The following ZNF253 variants were observed in gnomAD, a reference collection of about 807,000 sequenced individuals.
ZNF253 encodes the protein zinc finger protein 253, also known as DNA-binding protein.
ZNF253 carries 8 observed loss-of-function variants against 11.9 expected under a neutral mutation model. The observed-to-expected ratio is 0.67, with a 90% confidence interval of 0.40 to 1.22. The LOEUF is 1.22. Ranked by LOEUF, ZNF253 falls within the 50% of genes most tolerant of loss-of-function variation. The pLI, the probability that ZNF253 is intolerant of heterozygous loss-of-function variation, is 0.01. For synonymous variants in ZNF253, 194 were observed against 194.9 expected (o/e 1.00, Z 0.04); for missense variants, 485 against 586.9 (o/e 0.83, Z 1.79).
At chr19:19,889,060 C>T (rs1382246902) in intron 3 of ZNF253, among the ~76,000 whole-genome samples, 1 of 152,012 alleles carries the variant, frequency 6.6e-6, no homozygotes, top group Admixed American at 6.5e-5. Context: ...TTTTATCTTG[C>T]AGCACCCAAA....
intron 1 of ZNF253, among the ~76,000 whole-genome samples, chr19:19,867,948 T>C (rs2116888): frequency 0.4 from 60,261 of 151,430 alleles, 12,867 homozygotes; most frequent in East Asian, 0.7. Context: ...TAATGATTAG[T>C]GATGAGCTTT....
intron 1 of ZNF253, among the ~76,000 whole-genome samples, chr19:19,873,298 C>G (rs1003422383): frequency 6.7e-6 from 1 of 149,500 alleles, no homozygotes; most frequent in Non-Finnish European, 1.5e-5. Context: ...TTCTCTTACC[C>G]AAAGAGCTAG....
intron 3 of ZNF253, among the ~76,000 whole-genome samples, chr19:19,886,727 C>T (rs1270886356): frequency 6.6e-6 from 1 of 152,220 alleles, no homozygotes; most frequent in East Asian, 1.9e-4. Flanking sequence ...GATGCTGGCA[C>T]ACACTTCTTA....
At chr19:19,868,448 G>T in intron 1 of ZNF253, among the ~76,000 whole-genome samples, 1 of 152,162 alleles carries the variant, frequency 6.6e-6, no homozygotes, top group East Asian at 1.9e-4. Context: ...ATTAAATGGA[G>T]AATTCTTTCC....
In ZNF253 at chr19:19,872,579, A is replaced by ATAT. The variant is rs2063138467; in HGVS notation, c.4-5901_4-5900insATT. Among the ~76,000 whole-genome samples, 8 of 96,846 alleles carry ATAT rather than the reference A, an allele frequency of 8.3e-5. No individual in the cohort carries two copies. In the South Asian group the frequency reaches 2.0e-3, roughly 24 times the overall value. 63.5% of individuals were successfully genotyped at this position (96,846 alleles called of 152,430 possible). ...ACCATAACTATATATATATATATAT[A>ATAT]TTATTATATATATATATATATAATC... On this transcript the variant is annotated intron_variant, in intron 1 of 3. Transcript: ENST00000589717.
At chr19:19,876,123 G>A (rs542652646) in intron 1 of ZNF253, among the ~76,000 whole-genome samples, 6 of 152,330 alleles carry the variant, frequency 3.9e-5, no homozygotes, top group African/African-American at 1.4e-4. Flanking sequence ...AGTGCTGAGT[G>A]TAAGCGACCC....
intron 3 of ZNF253, among the ~76,000 whole-genome samples, chr19:19,882,888 T>A (rs1369193307): frequency 6.6e-6 from 1 of 151,910 alleles, no homozygotes; most frequent in Non-Finnish European, 1.5e-5. Flanking sequence ...GGAAAATTGC[T>A]TGAACCTGGG....
intron 1 of ZNF253, chr19:19,871,175 T>C (rs1487131290): frequency 6.6e-6 from 1 of 152,220 alleles, no homozygotes; most frequent in Non-Finnish European, 1.5e-5. Flanking sequence ...ATTTTTTCCT[T>C]GTCACCATTA....
At position 19,865,938 on chromosome 19, in the gene ZNF253, G is replaced by T; in HGVS notation, c.-59G>T. The T allele has an allele frequency of 6.2e-7, 1 of 1,612,462 alleles. No individual in the cohort carries two copies. Among genetic ancestry groups the T allele is most frequent in the Non-Finnish European group, 8.5e-7 (1 of 1,178,496 alleles). On this transcript the variant is annotated 5_prime_UTR_variant, in exon 1 of 4. Coordinates refer to ENST00000589717, the MANE Select transcript of ZNF253 (RefSeq NM_021047.3). The stretch of plus-strand genomic sequence containing the variant: ...ATAGAGGCCCGTCCTCTGTGGCCGT[G>T]TGACCTGCAAGTATTGGGAGAGCCA...
chr19:19,872,587 A>ATATATATATATATATATATATATATAT (rs1555777041), intron 1 of ZNF253, among the ~76,000 whole-genome samples: 1 of 130,728 alleles, frequency 7.6e-6, no homozygotes, highest in African/African-American at 3.6e-5. Flanking sequence ...ATATTATTAT[A>ATATATATATATATATATATATATATAT]TATATATATA....
chr19:19,874,869 G>A (rs1215376290), intron 1 of ZNF253, among the ~76,000 whole-genome samples: 1 of 152,034 alleles, frequency 6.6e-6, no homozygotes, highest in Non-Finnish European at 1.5e-5. Context: ...CCGAGATCGC[G>A]CCACTGCACT....
intron 1 of ZNF253, 83 bp downstream of exon 1, chr19:19,866,082 T>C: frequency 6.3e-7 from 1 of 1,577,000 alleles, no homozygotes; most frequent in African/African-American, 1.3e-5. Context: ...CTCTGCTTCC[T>C]CACAGTCAGC....
At chr19:19,883,639 A>C (rs2063187034) in intron 3 of ZNF253, among the ~76,000 whole-genome samples, 1 of 152,184 alleles carries the variant, frequency 6.6e-6, no homozygotes, top group African/African-American at 2.4e-5. Context: ...AGACTTCTAG[A>C]AACTTTACAT....
chr19:19,880,475 C>G (rs544073030), intron 3 of ZNF253, among the ~76,000 whole-genome samples: 125 of 152,070 alleles, frequency 8.2e-4, no homozygotes, highest in Non-Finnish European at 1.4e-3. Context: ...GAGGCCAAGG[C>G]AGGTGGATCA....
intron 3 of ZNF253, among the ~76,000 whole-genome samples, chr19:19,882,054 T>G (rs1259608687): frequency 6.6e-6 from 1 of 151,930 alleles, no homozygotes; most frequent in Non-Finnish European, 1.5e-5. Flanking sequence ...CCGGGTGTGG[T>G]GACATGCACC....
At position 19,892,676 on chromosome 19, in the gene ZNF253, C is replaced by T. The variant is rs199597253; in HGVS notation, c.1429C>T (p.Arg477Ter). The part of the protein sequence containing the change: ...LNKHKKIHIE[R>*]KPYIVKNVTD... ...TAAACATAAGAAAATTCATATTGAA[C>T]GAAAACCCTACATAGTGAAGAATGT... Residue 477 changes from arginine (R) to a stop codon, truncating the protein, a stop_gained, in exon 4 of 4, where the codon CGA becomes TGA. Coordinates refer to ENST00000589717, the MANE Select transcript of ZNF253 (RefSeq NM_021047.3). LOFTEE classifies it low-confidence loss of function (END_TRUNC). The T allele has an allele frequency of 5.7e-5, 92 of 1,612,220 alleles. No individual in the cohort carries two copies. The highest frequency in any genetic ancestry group is 1.5e-4 in the African/African-American group (11 of 74,730).
At position 19,892,297 on chromosome 19, in the gene ZNF253, C is replaced by T; in HGVS notation, c.1050C>T (p.His350=). Residue 350 remains histidine, a synonymous_variant, in exon 4 of 4, where the codon CAC becomes CAT. Transcript: ENST00000589717. The part of the protein sequence containing the change: ...YKCEECGKAF[H]LSSHLTTHKI... ...GTGAAGAATGTGGCAAAGCCTTTCA[C>T]CTATCCTCACACCTTACTACACATA... The T allele has an allele frequency of 6.2e-7, 1 of 1,611,014 alleles. No individual in the cohort carries two copies. The highest frequency in any genetic ancestry group is 8.5e-7 in the Non-Finnish European group (1 of 1,178,082).
chr19:19,880,280 T>G, intron 3 of ZNF253, 134 bp downstream of exon 3: 2 of 506,082 alleles, frequency 4.0e-6, no homozygotes, highest in Non-Finnish European at 6.5e-6. Flanking sequence ...GCTGTTTTTT[T>G]TTTTTTTTTT....
intron 3 of ZNF253, among the ~76,000 whole-genome samples, chr19:19,884,030 C>T (rs2063188594): frequency 6.8e-6 from 1 of 146,952 alleles, no homozygotes; most frequent in African/African-American, 2.5e-5. Context: ...GCACTCCAGC[C>T]TGGTCAACAA....
Sources: gnomAD v4.1 joint callset for allele counts (sites outside exome capture counted in the v4.1 genomes callset) on GRCh38, gnomAD v4.1.1 for gene constraint, MANE v1.5 for transcripts, NCBI Gene and HGNC (gene_info 2026-07-23, HGNC 2026-07-21) for gene names.